The following GPHN variants were observed in gnomAD, a reference collection of about 807,000 sequenced individuals.
The protein encoded by GPHN is gephyrin.
A neutral mutation model predicts 95.5 loss-of-function variants in GPHN; 17 were observed. The ratio of observed to expected loss-of-function variants is 0.18; its 90% CI spans 0.12 to 0.27. The LOEUF is 0.27. Ranked by LOEUF, GPHN falls within the 10% of genes least tolerant of loss-of-function variation. The pLI is 1.00. For synonymous variants in GPHN, 320 were observed against 322.5 expected, an observed-to-expected ratio of 0.99 and a Z score of 0.08; for missense variants, 660 against 978.1, an observed-to-expected ratio of 0.67 and a Z score of 4.34.
At chr14:66,884,345 T>C (rs2064081627) in intron 5 of GPHN, among the ~76,000 whole-genome samples, 2 of 152,086 alleles carry the variant, frequency 1.3e-5, no homozygotes, top group Admixed American at 1.3e-4. Context: ...GTGTACTCTA[T>C]AAACAATCGG....
Position 66,508,411 on chromosome 14 carries a change from C to T in GPHN, c.-117C>T. 2.2e-6 allele frequency: 2 copies of T among 916,066 alleles called. No homozygotes were observed. The highest frequency in any genetic ancestry group is 2.4e-5 in the East Asian group (1 of 41,638). The allele number at this position is 916,066 out of a possible 1,614,324, so 56.7% of individuals were successfully genotyped here. A position where few individuals can be genotyped will look rare whatever the true frequency, so the allele number is the denominator to read the frequency against. ...CCTCCCCCTCCTTCCCCGCTCTCCT[C>T]GCGCTTCTCTGGCTCCCTAGCTGTC... On this transcript the variant is annotated 5_prime_UTR_variant, in exon 1 of 23. Coordinates refer to ENST00000478722, the MANE Select transcript of GPHN (RefSeq NM_020806.5).
chr14:66,959,819 T>C (rs2068776802), intron 8 of GPHN, among the ~76,000 whole-genome samples: 1 of 152,058 alleles, frequency 6.6e-6, no homozygotes, highest in African/African-American at 2.4e-5. Flanking sequence ...ATAATCTCTT[T>C]GCTTCTTTCT....
the GPHN span, among the ~76,000 whole-genome samples, chr14:67,389,181 G>A: frequency 7.9e-5 from 12 of 152,038 alleles, no homozygotes; most frequent in African/African-American, 2.9e-4. Context: ...CATACTGCAT[G>A]TTGGGCCCAG....
At chr14:67,337,006 A>G in the GPHN span, among the ~76,000 whole-genome samples, 2 of 152,228 alleles carry the variant, frequency 1.3e-5, no homozygotes, top group African/African-American at 4.8e-5. Flanking sequence ...TGGATTTGCT[A>G]CTTTCTAGCT....
At chr14:67,142,970 T>C (rs1417257726) in intron 17 of GPHN, 2 of 305,366 alleles carry the variant, frequency 6.5e-6, no homozygotes, top group Non-Finnish European at 1.3e-5. Context: ...ATGTGATCTT[T>C]CCAACACCTC....
At chr14:66,827,783 C>G (rs78170930) in intron 4 of GPHN, among the ~76,000 whole-genome samples, 1 of 152,044 alleles carries the variant, frequency 6.6e-6, no homozygotes, top group African/African-American at 2.4e-5. Context: ...TCTCTTCCAT[C>G]TCTATATTAT....
chr14:66,565,055 GCA>G (rs1476008345), intron 1 of GPHN, among the ~76,000 whole-genome samples: 3 of 152,092 alleles, frequency 2.0e-5, no homozygotes, highest in Non-Finnish European at 4.4e-5. Flanking sequence ...TGATACTGAT[GCA>G]CTTCCTCCTA....
At chr14:66,623,741 T>C (rs972148091) in intron 1 of GPHN, among the ~76,000 whole-genome samples, 2 of 151,398 alleles carry the variant, frequency 1.3e-5, no homozygotes, top group Non-Finnish European at 2.9e-5. Context: ...AGGAGAAAAC[T>C]AAGTGCCCTG....
the GPHN span, among the ~76,000 whole-genome samples, chr14:67,622,493 G>C: frequency 2.0e-5 from 3 of 152,116 alleles, no homozygotes; most frequent in South Asian, 2.1e-4. Flanking sequence ...CTTTACTAAG[G>C]CCTCTCTTAG....
At chr14:66,723,720 A>G (rs1372613732) in intron 2 of GPHN, among the ~76,000 whole-genome samples, 1 of 152,140 alleles carries the variant, frequency 6.6e-6, no homozygotes, top group Non-Finnish European at 1.5e-5. Context: ...AAACAATTAT[A>G]TGTCGTATTA....
Position 66,572,511 on chromosome 14 carries a change from C to T in GPHN, c.64+63920C>T, listed in dbSNP as rs114136512. 6.5e-3 allele frequency among the ~76,000 whole-genome samples: 960 copies of T among 148,470 alleles called. 12 individuals carry two copies. The highest frequency in any genetic ancestry group is 0.023 in the African/African-American group (908 of 40,190). On this transcript the variant is annotated intron_variant, in intron 1 of 22. Coordinates refer to ENST00000478722, the MANE Select transcript of GPHN (RefSeq NM_020806.5). ...GTGTGTGTGTGTGTGTGTGTGTATA[C>T]GTCTGTTTTTGTAGCTATGGTAAAT...
At chr14:67,292,536 T>C in the GPHN span, 1 of 1,612,730 alleles carries the variant, frequency 6.2e-7, no homozygotes, top group Non-Finnish European at 8.5e-7. Context: ...TTTCTTCACT[T>C]AAACATATCC....
intron 4 of GPHN, among the ~76,000 whole-genome samples, chr14:66,845,120 C>T (rs892275708): frequency 1.3e-5 from 2 of 152,112 alleles, no homozygotes; most frequent in African/African-American, 4.8e-5. Context: ...TTTATCAGTT[C>T]ACCTGTTGGT....
At chr14:66,700,076 T>C (rs999548672) in intron 2 of GPHN, among the ~76,000 whole-genome samples, 3 of 152,228 alleles carry the variant, frequency 2.0e-5, no homozygotes, top group Non-Finnish European at 2.9e-5. Flanking sequence ...TTATACGGGC[T>C]ATTCAACATG....
intron 1 of GPHN, among the ~76,000 whole-genome samples, chr14:66,575,623 C>G (rs1359477086): frequency 6.6e-6 from 1 of 152,152 alleles, no homozygotes; most frequent in South Asian, 2.1e-4. Context: ...GGTGCCTGAG[C>G]TCATAGGAGC....
At chr14:67,587,415 T>C in the GPHN span, 2 of 681,944 alleles carry the variant, frequency 2.9e-6, no homozygotes, top group South Asian at 3.7e-5. Context: ...GTTTCAGGGC[T>C]CAACTTTTTA....
the GPHN span, among the ~76,000 whole-genome samples, chr14:67,324,145 A>T: frequency 6.6e-6 from 1 of 152,196 alleles, no homozygotes; most frequent in Non-Finnish European, 1.5e-5. Flanking sequence ...CAGGGAGCCA[A>T]ATTTGAGTGC....
chr14:66,542,227 C>G (rs547098510), intron 1 of GPHN, among the ~76,000 whole-genome samples: 3 of 152,298 alleles, frequency 2.0e-5, no homozygotes, highest in African/African-American at 7.2e-5. Flanking sequence ...TACTTAAATT[C>G]ATGGTCACAA....
chr14:67,029,194 A>G (rs975733849), intron 10 of GPHN, among the ~76,000 whole-genome samples: 2 of 151,988 alleles, frequency 1.3e-5, no homozygotes, highest in African/African-American at 2.4e-5. Flanking sequence ...TCATTGATCT[A>G]TATGTCTGGC....
Sources: allele counts gnomAD v4.1 joint callset (sites outside exome capture counted in the v4.1 genomes callset), GRCh38; gene constraint gnomAD v4.1.1; transcripts MANE v1.5; gene names NCBI Gene and HGNC (gene_info 2026-07-23, HGNC 2026-07-21).